Variants in CAPN7 observed in about 807,000 individuals in gnomAD.
CAPN7 encodes calpain-7.
In CAPN7, 72 loss-of-function variants were observed where a neutral mutation model predicts 115.2. The ratio of observed to expected loss-of-function variants is 0.63; its 90% CI spans 0.52 to 0.76. The LOEUF (loss-of-function observed/expected upper bound fraction) is 0.76. Ranked by LOEUF, CAPN7 falls within the 30% of genes least tolerant of loss-of-function variation. The pLI, the probability that CAPN7 is intolerant of heterozygous loss-of-function variation, is 0.00. For missense variants in CAPN7, 905 were observed against 971.5 expected (o/e 0.93, Z 0.91); for synonymous variants, 344 against 322.3 (o/e 1.07, Z -0.72).
chr3:15,209,910 C>G (rs2044838071), intron 1 of CAPN7, among the ~76,000 whole-genome samples: 1 of 152,096 alleles, frequency 6.6e-6, no homozygotes, highest in Non-Finnish European at 1.5e-5. Flanking sequence ...GTTTTCTGCC[C>G]AGTCCTTTCT....
chr3:15,226,090 T>C (rs1694297523), intron 6 of CAPN7, among the ~76,000 whole-genome samples: 3 of 150,182 alleles, frequency 2.0e-5, no homozygotes, highest in Admixed American at 2.0e-4. Context: ...ATTTTTTATT[T>C]TTTGAGATGG....
intron 5 of CAPN7, among the ~76,000 whole-genome samples, chr3:15,222,068 A>T (rs1694032548): frequency 7.2e-6 from 1 of 139,682 alleles, no homozygotes; most frequent in Non-Finnish European, 1.5e-5. Context: ...TTTTACATGC[A>T]TCAAAAAAAA....
chr3:15,237,055 TTAATA>T (rs1695033875), intron 12 of CAPN7, among the ~76,000 whole-genome samples: 1 of 152,258 alleles, frequency 6.6e-6, no homozygotes, highest in Non-Finnish European at 1.5e-5. Flanking sequence ...TGATATGTTA[TTAATA>T]AGTTCTGATT....
intron 14 of CAPN7, 150 bp from the exon 15 acceptor site, chr3:15,241,303 T>C (rs1695333416): frequency 3.0e-6 from 2 of 657,180 alleles, no homozygotes; most frequent in African/African-American, 3.6e-5. Flanking sequence ...GTTGTTTTCT[T>C]TCCATGCTTC....
chr3:15,225,324 G>A (rs764635609), intron 6 of CAPN7, among the ~76,000 whole-genome samples: 14 of 152,138 alleles, frequency 9.2e-5, no homozygotes, highest in African/African-American at 1.7e-4. Context: ...AAATTCGTAC[G>A]AAAGCGATTT....
intron 4 of CAPN7, among the ~76,000 whole-genome samples, chr3:15,219,377 G>T (rs776255707): frequency 6.6e-6 from 1 of 152,142 alleles, no homozygotes; most frequent in African/African-American, 2.4e-5. Context: ...ATAGATAACT[G>T]TACCACCCCA....
chr3:15,216,913 A>AT (rs977186476), intron 2 of CAPN7, among the ~76,000 whole-genome samples: 1 of 151,830 alleles, frequency 6.6e-6, no homozygotes, highest in African/African-American at 2.4e-5. Flanking sequence ...ATAATTGCAG[A>AT]TTTTTTTTCT....
At chr3:15,210,348 G>A (rs2044860880) in intron 1 of CAPN7, among the ~76,000 whole-genome samples, 1 of 151,928 alleles carries the variant, frequency 6.6e-6, no homozygotes, top group African/African-American at 2.4e-5. Flanking sequence ...CAATATATGT[G>A]TATTATATAC....
At chr3:15,237,181 A>T (rs1695041418) in intron 12 of CAPN7, among the ~76,000 whole-genome samples, 1 of 152,216 alleles carries the variant, frequency 6.6e-6, no homozygotes, top group South Asian at 2.1e-4. Flanking sequence ...AATAACAACT[A>T]GCTGAAAACA....
At chr3:15,206,699 G>T (rs1452296911) in intron 1 of CAPN7, 102 bp downstream of exon 1, 1 of 860,018 alleles carries the variant, frequency 1.2e-6, no homozygotes, top group Non-Finnish European at 1.8e-6. Flanking sequence ...AGCGGCCCCG[G>T]CTTTGCTTTT....
chr3:15,226,035 T>C (rs1341760448), intron 6 of CAPN7, among the ~76,000 whole-genome samples: 1 of 152,158 alleles, frequency 6.6e-6, no homozygotes, highest in Non-Finnish European at 1.5e-5. Context: ...TTTAAAATAA[T>C]AAAATAAGCA....
chr3:15,206,573 C>T lies in CAPN7; in HGVS notation c.78C>T (p.Tyr26=). The part of the protein sequence containing the change: ...LAVQRDHEGR[Y]SEAVFYYKEA... Reference sequence around the variant, plus strand: ...TTCAGCGCGACCACGAAGGCCGCTACTCCGAGGCGGTGTTTTATTACAAGG... The same window carrying T: ...TTCAGCGCGACCACGAAGGCCGCTATTCCGAGGCGGTGTTTTATTACAAGG... Residue 26 remains tyrosine (Y), a synonymous_variant, in exon 1 of 21, where the codon TAC becomes TAT. Coordinates refer to ENST00000253693, the MANE Select transcript of CAPN7 (RefSeq NM_014296.3). The T allele has an allele frequency of 1.3e-5, 20 of 1,551,614 alleles. No individual in the cohort carries two copies. Among genetic ancestry groups the T allele is most frequent in the Non-Finnish European group, 1.7e-5 (20 of 1,147,692 alleles).
In CAPN7 at chr3:15,252,183, C is replaced by G. The variant is rs893383699; in HGVS notation, c.*923C>G. The G allele has an allele frequency of 5.9e-5, 9 of 152,650 alleles. No individual in the cohort carries two copies. The highest frequency in any genetic ancestry group is 1.7e-4 in the African/African-American group (7 of 41,550). 9.5% of individuals were successfully genotyped at this position (152,650 alleles called of 1,614,324 possible). Reference sequence around the variant, plus strand: ...AAAAACCCATCAGGACAGAATGATGCTCAATATTTTAAAATTCTAAAAATA... The same window carrying G: ...AAAAACCCATCAGGACAGAATGATGGTCAATATTTTAAAATTCTAAAAATA... On this transcript the variant is annotated 3_prime_UTR_variant, in exon 21 of 21. Coordinates refer to ENST00000253693, the MANE Select transcript of CAPN7 (RefSeq NM_014296.3).
chr3:15,213,328 A>G (rs1042745247), intron 2 of CAPN7, among the ~76,000 whole-genome samples: 3 of 152,218 alleles, frequency 2.0e-5, no homozygotes, highest in African/African-American at 7.2e-5. Context: ...TTCAATAACT[A>G]TGTATTGAAT....
At chr3:15,227,765 T>C in intron 6 of CAPN7, 74 bp from the exon 7 acceptor site, 1 of 966,686 alleles carries the variant, frequency 1.0e-6, no homozygotes, top group Non-Finnish European at 1.4e-6. Context: ...AAAAAATCTC[T>C]AGGAAATTTA....
intron 6 of CAPN7, among the ~76,000 whole-genome samples, chr3:15,226,235 C>T (rs966793884): frequency 8.6e-5 from 13 of 151,984 alleles, no homozygotes; most frequent in Non-Finnish European, 1.0e-4. Context: ...ACCACACGCC[C>T]GACTAATTTT....
Position 15,251,476 on chromosome 3 carries a change from G to A in CAPN7, c.*216G>A, listed in dbSNP as rs957342749. 2 of 398,136 alleles carry A rather than the reference G, an allele frequency of 5.0e-6. No homozygotes were observed. The highest frequency in any genetic ancestry group is 2.1e-5 in the African/African-American group (1 of 48,338). 24.7% of individuals were successfully genotyped at this position (398,136 alleles called of 1,614,324 possible). On this transcript the variant is annotated 3_prime_UTR_variant, in exon 21 of 21. Coordinates refer to ENST00000253693, the MANE Select transcript of CAPN7 (RefSeq NM_014296.3). Reference sequence around the variant, plus strand: ...CTAGAGGTACCGTTTACATGGTTTTGTGTATATAGAGTTGGCTTGCATTTT... The same window carrying A: ...CTAGAGGTACCGTTTACATGGTTTTATGTATATAGAGTTGGCTTGCATTTT...
At chr3:15,235,223 T>C in intron 12 of CAPN7, 78 bp downstream of exon 12, 2 of 1,284,960 alleles carry the variant, frequency 1.6e-6, no homozygotes, top group Non-Finnish European at 2.1e-6. Flanking sequence ...TTATCAGACT[T>C]CTGAATACTG....
intron 17 of CAPN7, 89 bp downstream of exon 17, chr3:15,245,760 A>G: frequency 9.3e-7 from 1 of 1,079,552 alleles, no homozygotes; most frequent in Non-Finnish European, 1.2e-6. Flanking sequence ...CTGGAGAAAA[A>G]GTTTATTTCT....
Sources: allele counts gnomAD v4.1 joint callset (sites outside exome capture counted in the v4.1 genomes callset), GRCh38; gene constraint gnomAD v4.1.1; transcripts MANE v1.5; gene names NCBI Gene and HGNC (gene_info 2026-07-23, HGNC 2026-07-21).